Variants in TUSC3 observed in about 807,000 individuals in gnomAD.
TUSC3 encodes the protein dolichyl-diphosphooligosaccharide--protein glycosyltransferase subunit TUSC3.
In TUSC3, 45 loss-of-function variants were observed where a neutral mutation model predicts 44.8. The observed-to-expected ratio is 1.00, with a 90% CI of 0.79 to 1.29. The LOEUF (loss-of-function observed/expected upper bound fraction) is 1.29, where lower values mean the gene tolerates loss of function less well. Among genes scored for constraint, TUSC3 ranks in the 50% most tolerant of loss-of-function variants. The pLI, the probability that TUSC3 is intolerant of heterozygous loss-of-function variation, is 0.00. For missense variants in TUSC3, 519 were observed against 437.9 expected (o/e 1.19, Z -1.65); for synonymous variants, 212 against 152.9 (o/e 1.39, Z -2.85).
intron 2 of TUSC3, among the ~76,000 whole-genome samples, chr8:15,518,946 C>T (rs185220730): frequency 2.4e-4 from 36 of 152,244 alleles, no homozygotes; most frequent in African/African-American, 8.7e-4. Flanking sequence ...GCCCATGATT[C>T]TACAAGTCTA....
At chr8:15,803,747 C>A in the TUSC3 span, among the ~76,000 whole-genome samples, 1 of 152,018 alleles carries the variant, frequency 6.6e-6, no homozygotes, top group East Asian at 1.9e-4. Context: ...GTGGTGTTCC[C>A]CTCCCTGTGT....
intron 1 of TUSC3, among the ~76,000 whole-genome samples, chr8:15,544,595 A>T (rs576875586): frequency 1.3e-5 from 2 of 151,794 alleles, no homozygotes; most frequent in Non-Finnish European, 2.9e-5. Context: ...AGTACATTTT[A>T]TATTGGGATG....
chr8:15,599,755 C>A (rs1209476771), intron 1 of TUSC3, among the ~76,000 whole-genome samples: 1 of 149,778 alleles, frequency 6.7e-6, no homozygotes, highest in Non-Finnish European at 1.5e-5. Context: ...GTTTCTTAGC[C>A]CTCTATTCTG....
intron 6 of TUSC3, among the ~76,000 whole-genome samples, chr8:15,722,690 A>G (rs1405598132): frequency 6.6e-6 from 1 of 152,006 alleles, no homozygotes; most frequent in Non-Finnish European, 1.5e-5. Flanking sequence ...AGCTCTCTAT[A>G]TGACTTCTGT....
chr8:15,664,627 A>C lies in TUSC3; in HGVS notation c.708+2331A>C, dbSNP rs1055335593. On this transcript the variant is annotated intron_variant, in intron 5 of 10. Transcript: ENST00000503731. ...GCTGCAGAGAACAGACATGTTTTCAAACAGTGAGTTTGAAAACACTACACT... is the reference window on the plus strand; with the variant it reads ...GCTGCAGAGAACAGACATGTTTTCACACAGTGAGTTTGAAAACACTACACT... Among the ~76,000 whole-genome samples the C allele has an allele frequency of 4.0e-5, 6 of 149,728 alleles. No individual in the cohort carries two copies. The South Asian group carries it at 1.0e-3, about 26-fold the overall frequency.
chr8:15,812,727 A>T, the TUSC3 span, among the ~76,000 whole-genome samples: 1 of 119,026 alleles, frequency 8.4e-6, no homozygotes, highest in African/African-American at 3.2e-5. Flanking sequence ...TCTTTTCAAC[A>T]TGATATGCCT....
the TUSC3 span, among the ~76,000 whole-genome samples, chr8:15,774,694 AAATATAC>A: frequency 3.3e-5 from 5 of 152,294 alleles, no homozygotes; most frequent in Middle Eastern, 6.8e-3. Flanking sequence ...CATCAGAGTA[AAATATAC>A]AAATGTCAAC....
the TUSC3 span, among the ~76,000 whole-genome samples, chr8:15,822,722 A>T: frequency 7.9e-5 from 12 of 152,156 alleles, no homozygotes; most frequent in Admixed American, 6.6e-5. Flanking sequence ...GAAAAGCAGG[A>T]AAATGGTGTC....
chr8:15,774,225 G>A, the TUSC3 span, among the ~76,000 whole-genome samples: 40 of 138,814 alleles, frequency 2.9e-4, no homozygotes, highest in African/African-American at 7.0e-4. Context: ...GAGTTTAAGC[G>A]TCAAATTTTG....
chr8:15,461,319 C>T (rs755396206), intron 1 of TUSC3, among the ~76,000 whole-genome samples: 1 of 151,962 alleles, frequency 6.6e-6, no homozygotes, highest in Non-Finnish European at 1.5e-5. Flanking sequence ...TGGTTAAGTT[C>T]TTGACTTGAT....
the TUSC3 span, among the ~76,000 whole-genome samples, chr8:15,778,763 G>C: frequency 6.6e-6 from 1 of 152,032 alleles, no homozygotes; most frequent in Non-Finnish European, 1.5e-5. Flanking sequence ...GCCACAAAAG[G>C]AATTTCCTCC....
At chr8:15,595,797 CTA>C (rs1554455184) in intron 1 of TUSC3, among the ~76,000 whole-genome samples, 1 of 152,078 alleles carries the variant, frequency 6.6e-6, no homozygotes, top group Non-Finnish European at 1.5e-5. Context: ...TAAAATTCTA[CTA>C]TGTGTGTGGA....
At chr8:15,480,226 G>A (rs527556511) in intron 1 of TUSC3, among the ~76,000 whole-genome samples, 15 of 152,260 alleles carry the variant, frequency 9.9e-5, no homozygotes, top group African/African-American at 3.6e-4. Context: ...AGGATAGGAA[G>A]AATCAACAAC....
intron 1 of TUSC3, among the ~76,000 whole-genome samples, chr8:15,607,698 C>G (rs1005535449): frequency 1.3e-5 from 2 of 152,116 alleles, no homozygotes; most frequent in African/African-American, 4.8e-5. Context: ...ATCATTCTGT[C>G]TTTTTAAATG....
chr8:15,480,478 A>ACATC (rs1378627838), intron 1 of TUSC3, among the ~76,000 whole-genome samples: 1 of 152,246 alleles, frequency 6.6e-6, no homozygotes, highest in African/African-American at 2.4e-5. Flanking sequence ...CAGAAGTCCT[A>ACATC]CATCAAGTAC....
chr8:15,692,009 G>A (rs1319529308), intron 6 of TUSC3, among the ~76,000 whole-genome samples: 1 of 152,080 alleles, frequency 6.6e-6, no homozygotes, highest in Non-Finnish European at 1.5e-5. Context: ...TTGAATTCTT[G>A]GCCTCAAGTG....
At chr8:15,733,515 G>A in intron 7 of TUSC3, 1 of 273,722 alleles carries the variant, frequency 3.7e-6, no homozygotes, top group Non-Finnish European at 7.3e-6. Flanking sequence ...AATTCTCCAA[G>A]GTTTAATTTC....
chr8:15,846,522 C>T, the TUSC3 span, among the ~76,000 whole-genome samples: 1 of 152,118 alleles, frequency 6.6e-6, no homozygotes, highest in Non-Finnish European at 1.5e-5. Flanking sequence ...GAATACTATG[C>T]AGCCATAAAA....
At position 15,504,621 on chromosome 8, in the gene TUSC3, A is replaced by ATTTT. The variant is rs869264757; in HGVS notation, n.189+21156_189+21159dup. On this transcript the variant is annotated intron_variant and non_coding_transcript_variant, in intron 2 of 5. Coordinates refer to the TUSC3 transcript ENST00000503191. ...TATATATATATATATATATATATAT[A>ATTTT]TTTTTTTTTTTTTTTTTTTTTAAGT... 8.4e-4 allele frequency among the ~76,000 whole-genome samples: 17 copies of ATTTT among 20,296 alleles called. 2 individuals carry two copies. Among genetic ancestry groups the ATTTT allele is most frequent in the East Asian group, 3.6e-3 (2 of 556 alleles). The allele number at this position is 20,296 out of a possible 152,430, so 13.3% of individuals were successfully genotyped here. A position where few individuals can be genotyped will look rare whatever the true frequency, so the allele number is the denominator to read the frequency against.
Sources: gnomAD v4.1 joint callset for allele counts (sites outside exome capture counted in the v4.1 genomes callset) on GRCh38, gnomAD v4.1.1 for gene constraint, MANE v1.5 for transcripts, NCBI Gene and HGNC (gene_info 2026-07-23, HGNC 2026-07-21) for gene names.